Variants in HECW1 observed in about 807,000 individuals in gnomAD.
HECW1 encodes the protein HECT, C2 and WW domain containing E3 ubiquitin protein ligase 1, also known as E3 ubiquitin-protein ligase HECW1.
A neutral mutation model predicts 182.3 loss-of-function variants in HECW1; 61 were observed. The ratio of observed to expected loss-of-function variants is 0.33; its 90% CI spans 0.27 to 0.41. The LOEUF is 0.41. Ranked by LOEUF, HECW1 falls within the 10% of genes least tolerant of loss-of-function variation. The pLI is 1.00. For synonymous variants in HECW1, 859 were observed against 832.6 expected, an observed-to-expected ratio of 1.03 and a Z score of -0.55; for missense variants, 1,739 against 2,108.9, an observed-to-expected ratio of 0.82 and a Z score of 3.44.
chr7:43,129,548 T>G (rs1459773648), intron 2 of HECW1, among the ~76,000 whole-genome samples: 1 of 152,218 alleles, frequency 6.6e-6, no homozygotes, highest in Non-Finnish European at 1.5e-5. Flanking sequence ...TTTGTTGAGA[T>G]AGTCACTTTA....
intron 2 of HECW1, among the ~76,000 whole-genome samples, chr7:43,158,952 A>G (rs1317428082): frequency 6.6e-6 from 1 of 152,190 alleles, no homozygotes; most frequent in East Asian, 1.9e-4. Flanking sequence ...ATTGCTGGGC[A>G]TCACTCTCCA....
chr7:43,130,851 G>A (rs1786835123), intron 2 of HECW1, among the ~76,000 whole-genome samples: 3 of 119,908 alleles, frequency 2.5e-5, no homozygotes, highest in South Asian at 2.7e-4. Context: ...TTTTGGATTA[G>A]AAATGCTCAA....
intron 2 of HECW1, among the ~76,000 whole-genome samples, chr7:43,237,203 T>C (rs1445540068): frequency 6.6e-6 from 1 of 151,852 alleles, no homozygotes; most frequent in Non-Finnish European, 1.5e-5. Context: ...AGTGTGACTG[T>C]TTGCCTAATG....
rs748166937 is a variant in HECW1 at position 43,509,068 on chromosome 7, T to C, written c.3966T>C (p.Thr1322=). Residue 1322 remains threonine (T), a synonymous_variant, in exon 24 of 30, where the codon ACT becomes ACC. Transcript: ENST00000395891. ...TCTTTGAGTACTCGGCAAATGATAC[T>C]TACACGGTGCAGATCAGCCCCATGT... ...YGLFEYSAND[T]YTVQISPMSA... is the part of the protein sequence containing the mutation. 2 of 1,614,062 alleles carry C rather than the reference T, an allele frequency of 1.2e-6. No homozygotes were observed. Among genetic ancestry groups the C allele is most frequent in the Non-Finnish European group, 1.7e-6 (2 of 1,180,000 alleles).
At chr7:43,284,236 A>C (rs1804309319) in intron 3 of HECW1, among the ~76,000 whole-genome samples, 1 of 152,226 alleles carries the variant, frequency 6.6e-6, no homozygotes, top group Non-Finnish European at 1.5e-5. Context: ...TTTAATTGAC[A>C]AATGAAAATC....
intron 8 of HECW1, among the ~76,000 whole-genome samples, chr7:43,419,207 G>C (rs1463223007): frequency 6.6e-6 from 1 of 152,188 alleles, no homozygotes; most frequent in Non-Finnish European, 1.5e-5. Flanking sequence ...AAGATAGTGA[G>C]ATTTGTATTG....
chr7:43,512,319 C>G (rs2079915282), intron 24 of HECW1, among the ~76,000 whole-genome samples: 1 of 152,182 alleles, frequency 6.6e-6, no homozygotes, highest in Non-Finnish European at 1.5e-5. Context: ...CCACGCCCTG[C>G]CCACCTCCCT....
chr7:43,246,742 ATC>A (rs1156667231), intron 3 of HECW1, among the ~76,000 whole-genome samples: 1 of 152,236 alleles, frequency 6.6e-6, no homozygotes, highest in Admixed American at 6.5e-5. Flanking sequence ...AATGACTGGC[ATC>A]TCTGTGTCTG....
chr7:43,412,249 C>A (rs562982331), intron 8 of HECW1, among the ~76,000 whole-genome samples: 4 of 151,976 alleles, frequency 2.6e-5, no homozygotes, highest in African/African-American at 9.7e-5. Flanking sequence ...TATCCACACT[C>A]GTGATCTTTC....
At chr7:43,189,027 G>A (rs548225234) in intron 2 of HECW1, among the ~76,000 whole-genome samples, 88 of 152,234 alleles carry the variant, frequency 5.8e-4, no homozygotes, top group Non-Finnish European at 1.0e-3. Context: ...AGGCGCACTC[G>A]GCTAATCTTA....
chr7:43,307,879 T>TATATATATATAC (rs1807794578), intron 3 of HECW1, among the ~76,000 whole-genome samples: 19 of 2,184 alleles, frequency 8.7e-3, no homozygotes, highest in African/African-American at 0.024. Context: ...CATTTCACTA[T>TATATATATATAC]ATATATATAT....
At chr7:43,338,743 G>C (rs1812598288) in intron 5 of HECW1, among the ~76,000 whole-genome samples, 1 of 151,992 alleles carries the variant, frequency 6.6e-6, no homozygotes, top group Admixed American at 6.6e-5. Context: ...AAGAAGCAGA[G>C]CTTTACTCAC....
chr7:43,142,698 C>A (rs556383719), intron 2 of HECW1, among the ~76,000 whole-genome samples: 2 of 152,348 alleles, frequency 1.3e-5, no homozygotes, highest in African/African-American at 4.8e-5. Flanking sequence ...TGGAATTTGA[C>A]AACAGTTCCT....
At chr7:43,132,215 TAA>T (rs1369680024) in intron 2 of HECW1, among the ~76,000 whole-genome samples, 1 of 151,732 alleles carries the variant, frequency 6.6e-6, no homozygotes, top group Non-Finnish European at 1.5e-5. Flanking sequence ...CAATTTGAAT[TAA>T]GTCTATATAT....
intron 4 of HECW1, among the ~76,000 whole-genome samples, chr7:43,316,581 A>G (rs1809279857): frequency 6.6e-6 from 1 of 152,006 alleles, no homozygotes; most frequent in African/African-American, 2.4e-5. Context: ...TCACATAATA[A>G]TGGTAGATGT....
At chr7:43,157,678 A>T (rs1201259741) in intron 2 of HECW1, among the ~76,000 whole-genome samples, 1 of 152,124 alleles carries the variant, frequency 6.6e-6, no homozygotes, top group African/African-American at 2.4e-5. Flanking sequence ...TTCCCACCTT[A>T]GCCTACTGAG....
chr7:43,184,239 T>C (rs1004611717), intron 2 of HECW1, among the ~76,000 whole-genome samples: 16 of 152,286 alleles, frequency 1.1e-4, no homozygotes, highest in Admixed American at 2.6e-4. Context: ...GATCTCGATC[T>C]CCTGACCTCG....
Position 43,187,585 on chromosome 7 carries a change from A to C in HECW1, c.-31-56290A>C, listed in dbSNP as rs147028678. 5.3e-5 allele frequency among the ~76,000 whole-genome samples: 8 copies of C among 149,606 alleles called. 1 individual carries two copies. Among genetic ancestry groups the C allele is most frequent in the African/African-American group, 1.8e-4 (7 of 39,354 alleles). On this transcript the variant is annotated intron_variant, in intron 2 of 29. Transcript: ENST00000395891. ...TGTGACTTCTATTACTAATATTCTT[A>C]TGTTGTTTGTGTGAAATTTTGATTT...
chr7:43,195,631 C>A (rs996880910), intron 2 of HECW1, among the ~76,000 whole-genome samples: 1 of 152,090 alleles, frequency 6.6e-6, no homozygotes, highest in Non-Finnish European at 1.5e-5. Flanking sequence ...GGACTCAAGC[C>A]GATGTCCAGA....
Sources: allele counts gnomAD v4.1 joint callset (sites outside exome capture counted in the v4.1 genomes callset), GRCh38; gene constraint gnomAD v4.1.1; transcripts MANE v1.5; gene names NCBI Gene and HGNC (gene_info 2026-07-23, HGNC 2026-07-21).